Variants in CPM observed in about 807,000 individuals in gnomAD.
The protein encoded by CPM is carboxypeptidase M, also known as renal carboxypeptidase.
A neutral mutation model predicts 46.4 loss-of-function variants in CPM; 35 were observed. That is an observed-to-expected ratio of 0.75 (90% CI 0.58 to 1.00). CPM has a LOEUF of 1.00. Ranked by LOEUF, CPM falls within the 50% of genes least tolerant of loss-of-function variation. The pLI is 0.00. For missense variants in CPM, 422 were observed against 530.4 expected (o/e 0.80, Z 2.01); for synonymous variants, 195 against 195.3 (o/e 1.00, Z 0.01).
upstream of CPM, among the ~76,000 whole-genome samples, chr12:68,937,579 T>A (rs1052879409): frequency 7.9e-5 from 12 of 152,178 alleles, no homozygotes; most frequent in African/African-American, 2.2e-4. Context: ...ATAATGTCAA[T>A]GTAGATCTGC....
intron 2 of CPM, among the ~76,000 whole-genome samples, chr12:68,898,903 A>T (rs1886999938): frequency 6.6e-6 from 1 of 152,248 alleles, no homozygotes; most frequent in Admixed American, 6.5e-5. Context: ...AAGCTTTAAA[A>T]ATAGTGCCAG....
chr12:68,929,892 A>G (rs999175368), intron 2 of CPM, among the ~76,000 whole-genome samples: 12 of 152,208 alleles, frequency 7.9e-5, no homozygotes, highest in African/African-American at 2.9e-4. Flanking sequence ...ATAATCCACA[A>G]TTACAACAAA....
chr12:68,882,749 C>G (rs1886251141), intron 3 of CPM, among the ~76,000 whole-genome samples: 2 of 152,092 alleles, frequency 1.3e-5, no homozygotes, highest in African/African-American at 4.8e-5. Context: ...TTATTAATAG[C>G]CATTCTGACT....
intron 1 of CPM, among the ~76,000 whole-genome samples, chr12:68,962,183 G>C (rs535802364): frequency 1.5e-5 from 2 of 137,256 alleles, no homozygotes; most frequent in East Asian, 2.1e-4. Flanking sequence ...CTGGGCGACA[G>C]AGCGAGACTC....
At chr12:68,938,079 A>T (rs1035602422), upstream of CPM, among the ~76,000 whole-genome samples, 4 of 152,210 alleles carry the variant, frequency 2.6e-5, no homozygotes, top group Non-Finnish European at 5.9e-5. Context: ...GGACAGAGGG[A>T]ATAACTATAG....
At chr12:68,932,612 C>T in intron 2 of CPM, 66 bp downstream of exon 2, 1 of 1,571,532 alleles carries the variant, frequency 6.4e-7, no homozygotes, top group Non-Finnish European at 8.7e-7. Context: ...GAAGCTGGGG[C>T]ATATTTAATG....
chr12:68,858,438 G>T (rs548559103), intron 8 of CPM, among the ~76,000 whole-genome samples: 5 of 152,206 alleles, frequency 3.3e-5, no homozygotes, highest in Middle Eastern at 3.4e-3. Flanking sequence ...GATGAAAAAA[G>T]GGCTGCAAAA....
chr12:68,935,525 A>G (rs1888659907), upstream of CPM, among the ~76,000 whole-genome samples: 1 of 151,628 alleles, frequency 6.6e-6, no homozygotes, highest in Non-Finnish European at 1.5e-5. Context: ...TCCTGGCCTC[A>G]AGTGATCCTT....
chr12:68,954,743 T>A (rs75969557), intron 1 of CPM, among the ~76,000 whole-genome samples: 3 of 150,392 alleles, frequency 2.0e-5, no homozygotes, highest in African/African-American at 7.5e-5. Flanking sequence ...AAAAAAGCAA[T>A]TTTTTTTTAG....
chr12:68,924,750 G>A (rs935130290), intron 2 of CPM, among the ~76,000 whole-genome samples: 3 of 152,090 alleles, frequency 2.0e-5, no homozygotes, highest in Admixed American at 6.5e-5. Flanking sequence ...CTGGTTTTAC[G>A]AGCATATTTG....
intron 7 of CPM, among the ~76,000 whole-genome samples, chr12:68,865,652 TC>T (rs1885410090): frequency 6.6e-6 from 1 of 152,006 alleles, no homozygotes. Flanking sequence ...TCTCTCTCTC[TC>T]TCTCCATGTG....
intron 7 of CPM, among the ~76,000 whole-genome samples, chr12:68,859,562 T>C (rs1296451849): frequency 6.6e-6 from 1 of 152,238 alleles, no homozygotes; most frequent in African/African-American, 2.4e-5. Context: ...ATGGAATCGA[T>C]TGGCCAGTAA....
At chr12:68,956,640 C>A (rs1889023672) in intron 1 of CPM, among the ~76,000 whole-genome samples, 1 of 152,048 alleles carries the variant, frequency 6.6e-6, no homozygotes, top group African/African-American at 2.4e-5. Context: ...CCCCATTTGC[C>A]CAGTAAAAAA....
At chr12:68,935,952 A>G (rs1888667006), upstream of CPM, among the ~76,000 whole-genome samples, 2 of 152,114 alleles carry the variant, frequency 1.3e-5, no homozygotes, top group Non-Finnish European at 2.9e-5. Context: ...ACTGGAATGG[A>G]GATTGCCAGG....
chr12:68,954,464 C>G (rs1356907846), intron 1 of CPM, among the ~76,000 whole-genome samples: 1 of 152,190 alleles, frequency 6.6e-6, no homozygotes, highest in Non-Finnish European at 1.5e-5. Context: ...GAGACACACA[C>G]AGTCTGGATT....
intron 2 of CPM, among the ~76,000 whole-genome samples, chr12:68,902,682 G>A (rs1403912457): frequency 6.6e-6 from 1 of 152,122 alleles, no homozygotes; most frequent in Admixed American, 6.5e-5. Context: ...ATCCTCAACA[G>A]AAACACCATG....
At chr12:68,940,154 A>G (rs1286839451) in intron 1 of CPM, among the ~76,000 whole-genome samples, 1 of 150,636 alleles carries the variant, frequency 6.6e-6, no homozygotes, top group Non-Finnish European at 1.5e-5. Flanking sequence ...TTTTTAGAGC[A>G]GTTTGAGATT....
At chr12:68,955,785 T>A (rs35280278) in intron 1 of CPM, among the ~76,000 whole-genome samples, 18,974 of 152,144 alleles carry the variant, frequency 0.12, 1,510 homozygotes, top group Non-Finnish European at 0.17. Flanking sequence ...TCATCCCATG[T>A]CTGCCTGAGT....
At position 68,856,407 on chromosome 12, in the gene CPM, G is replaced by T; in HGVS notation, c.*30C>A. 1 of 1,599,576 alleles carries T rather than the reference G, an allele frequency of 6.3e-7. No individual in the cohort carries two copies. The highest frequency in any genetic ancestry group is 1.1e-5 in the South Asian group (1 of 88,170). ...GAGTGAGCAATCCCTGATTCCAGGTGGTGATGTGGGTTGAGTTTCACATTT... is the reference window on the plus strand; with the variant it reads ...GAGTGAGCAATCCCTGATTCCAGGTTGTGATGTGGGTTGAGTTTCACATTT... On this transcript the variant is annotated 3_prime_UTR_variant, in exon 9 of 9. Transcript: ENST00000551568.
Sources: gnomAD v4.1 joint callset for allele counts (sites outside exome capture counted in the v4.1 genomes callset) on GRCh38, gnomAD v4.1.1 for gene constraint, MANE v1.5 for transcripts, NCBI Gene and HGNC (gene_info 2026-07-23, HGNC 2026-07-21) for gene names.